The following CTNNA2 variants were observed in gnomAD, a reference collection of about 807,000 sequenced individuals.
The protein encoded by CTNNA2 is catenin alpha 2, also known as catenin alpha-2.
A neutral mutation model predicts 101.0 loss-of-function variants in CTNNA2; 42 were observed. The observed-to-expected ratio is 0.42, with a 90% CI of 0.32 to 0.54. The LOEUF (loss-of-function observed/expected upper bound fraction) is 0.54. Among genes scored for constraint, CTNNA2 ranks in the 20% least tolerant of loss-of-function variants. The pLI is 0.14. For synonymous variants in CTNNA2, 450 were observed against 456.4 expected, an observed-to-expected ratio of 0.99 and a Z score of 0.18; for missense variants, 871 against 1,223.1, an observed-to-expected ratio of 0.71 and a Z score of 4.29.
chr2:80,213,244 G>A (rs867676047), intron 7 of CTNNA2, among the ~76,000 whole-genome samples: 1 of 151,746 alleles, frequency 6.6e-6, no homozygotes, highest in African/African-American at 2.4e-5. Flanking sequence ...GTTATTTCTT[G>A]CCTTCTGCTA....
At chr2:79,604,982 A>T (rs1677789810) in intron 1 of CTNNA2, among the ~76,000 whole-genome samples, 2 of 152,230 alleles carry the variant, frequency 1.3e-5, no homozygotes, top group Admixed American at 1.3e-4. Context: ...ATCCAATCAC[A>T]AATTACCAGG....
chr2:80,558,910 G>C (rs57493575), intron 12 of CTNNA2, among the ~76,000 whole-genome samples: 2 of 152,076 alleles, frequency 1.3e-5, no homozygotes, highest in Non-Finnish European at 2.9e-5. Context: ...AGTCAGACAT[G>C]CTCAACCTCT....
At chr2:80,122,332 GTC>G (rs1225644359) in intron 7 of CTNNA2, among the ~76,000 whole-genome samples, 1 of 145,488 alleles carries the variant, frequency 6.9e-6, no homozygotes, top group Non-Finnish European at 1.5e-5. Flanking sequence ...CTCTTTCTCT[GTC>G]TCTGTCTCTT....
chr2:80,228,661 C>T (rs1324931227), intron 7 of CTNNA2, among the ~76,000 whole-genome samples: 1 of 152,142 alleles, frequency 6.6e-6, no homozygotes, highest in Non-Finnish European at 1.5e-5. Flanking sequence ...GGGGAGGACT[C>T]ATTACAGGGG....
intron 2 of CTNNA2, among the ~76,000 whole-genome samples, chr2:79,305,928 C>G (rs532079102): frequency 2.0e-5 from 3 of 151,672 alleles, no homozygotes; most frequent in African/African-American, 7.3e-5. Context: ...CACCTGTAGT[C>G]CCAGCTACTT....
intron 7 of CTNNA2, among the ~76,000 whole-genome samples, chr2:80,051,784 G>A (rs11885957): frequency 0.016 from 2,442 of 152,174 alleles, 67 homozygotes; most frequent in African/African-American, 0.055. Flanking sequence ...CATTTCAAGC[G>A]AAGCCCAGGC....
intron 15 of CTNNA2, among the ~76,000 whole-genome samples, chr2:80,591,064 A>G (rs1696442346): frequency 6.6e-6 from 1 of 152,194 alleles, no homozygotes; most frequent in African/African-American, 2.4e-5. Context: ...GACTCTGGTC[A>G]TGTTACTAGT....
At chr2:79,429,275 G>C (rs1434519721) in intron 4 of CTNNA2, among the ~76,000 whole-genome samples, 2 of 151,986 alleles carry the variant, frequency 1.3e-5, no homozygotes, top group African/African-American at 4.8e-5. Flanking sequence ...TGTGGAGCCT[G>C]ATTTCCCCAG....
chr2:80,143,534 C>A (rs1426795593), intron 7 of CTNNA2, among the ~76,000 whole-genome samples: 1 of 152,062 alleles, frequency 6.6e-6, no homozygotes, highest in South Asian at 2.1e-4. Flanking sequence ...AGAAGTCATT[C>A]GTCCTAACTG....
intron 7 of CTNNA2, among the ~76,000 whole-genome samples, chr2:80,305,944 G>A (rs1268222088): frequency 4.6e-5 from 7 of 152,200 alleles, no homozygotes; most frequent in African/African-American, 9.7e-5. Context: ...GTCAAAATCA[G>A]TAGGCATTAT....
intron 7 of CTNNA2, among the ~76,000 whole-genome samples, chr2:79,968,036 A>AGGTTCC (rs1690201296): frequency 6.6e-6 from 1 of 152,202 alleles, no homozygotes; most frequent in East Asian, 1.9e-4. Flanking sequence ...GTTGGTGGTT[A>AGGTTCC]TCATGGGCTG....
chr2:80,585,723 T>G (rs1695919386), intron 14 of CTNNA2, among the ~76,000 whole-genome samples: 1 of 152,178 alleles, frequency 6.6e-6, no homozygotes, highest in Admixed American at 6.5e-5. Context: ...TTAAAACTCA[T>G]GTGTTGAATT....
intron 1 of CTNNA2, among the ~76,000 whole-genome samples, chr2:79,567,464 A>C (rs1272921873): frequency 1.3e-5 from 2 of 152,068 alleles, no homozygotes; most frequent in Non-Finnish European, 2.9e-5. Context: ...TTCACATTTT[A>C]TGCCATTGCT....
chr2:79,984,217 G>A lies in CTNNA2; in HGVS notation c.1056+74420G>A, dbSNP rs1219147954. On this transcript the variant is annotated intron_variant, in intron 7 of 18. Transcript: ENST00000402739. ...ACGGAATTTTCATGTGTTCATAAAA[G>A]TAGTGCTGGCAACCAGGGCCTCTGT... is the stretch of plus-strand genomic sequence containing the variant. 2.6e-5 allele frequency among the ~76,000 whole-genome samples: 4 copies of A among 152,172 alleles called. No homozygotes were observed. In the East Asian group the frequency reaches 7.7e-4, roughly 29 times the overall value.
intron 7 of CTNNA2, among the ~76,000 whole-genome samples, chr2:79,958,725 T>A (rs1689418539): frequency 6.6e-6 from 1 of 152,120 alleles, no homozygotes; most frequent in East Asian, 1.9e-4. Flanking sequence ...TTGTGGTAAT[T>A]TTTTTTAGCA....
intron 7 of CTNNA2, among the ~76,000 whole-genome samples, chr2:79,965,894 G>A (rs114293604): frequency 0.011 from 1,609 of 148,786 alleles, 38 homozygotes; most frequent in African/African-American, 0.038. Context: ...AGACAAAGAA[G>A]GAAAGAAACT....
chr2:80,523,122 A>G (rs1689715394), intron 9 of CTNNA2, among the ~76,000 whole-genome samples: 1 of 152,166 alleles, frequency 6.6e-6, no homozygotes, highest in South Asian at 2.1e-4. Flanking sequence ...ATCATCTAAC[A>G]AGGAAGTATT....
intron 9 of CTNNA2, among the ~76,000 whole-genome samples, chr2:80,467,023 G>T (rs548352598): frequency 9.8e-5 from 15 of 152,292 alleles, no homozygotes; most frequent in African/African-American, 3.6e-4. Context: ...TTTAGCCAAG[G>T]AGGTTTACCT....
chr2:80,093,827 C>G (rs185420073), intron 7 of CTNNA2, among the ~76,000 whole-genome samples: 11 of 152,110 alleles, frequency 7.2e-5, no homozygotes, highest in African/African-American at 2.7e-4. Context: ...CTGTTGATAT[C>G]CTTCACCCAC....
Sources: allele counts gnomAD v4.1 joint callset (sites outside exome capture counted in the v4.1 genomes callset), GRCh38; gene constraint gnomAD v4.1.1; transcripts MANE v1.5; gene names NCBI Gene and HGNC (gene_info 2026-07-23, HGNC 2026-07-21).